PKHD1: variants seen among roughly 807,000 people sequenced by gnomAD.
PKHD1 encodes fibrocystin.
A neutral mutation model predicts 412.0 loss-of-function variants in PKHD1; 291 were observed. The ratio of observed to expected loss-of-function variants is 0.71; its 90% CI spans 0.64 to 0.78. PKHD1 has a LOEUF of 0.78. Among genes scored for constraint, PKHD1 ranks in the 30% least tolerant of loss-of-function variants. The pLI, the probability that PKHD1 is intolerant of heterozygous loss-of-function variation, is 0.00. For missense variants in PKHD1, 4,825 were observed against 4,950.7 expected (o/e 0.97, Z 0.76); for synonymous variants, 1,777 against 1,821.5 (o/e 0.98, Z 0.62).
chr6:51,819,743 T>G (rs1582871623), intron 52 of PKHD1, among the ~76,000 whole-genome samples: 1 of 152,292 alleles, frequency 6.6e-6, no homozygotes, highest in East Asian at 1.9e-4. Context: ...TGAACTCTGT[T>G]TTCATATCAC....
At chr6:51,935,187 C>T (rs1787274676) in intron 36 of PKHD1, among the ~76,000 whole-genome samples, 3 of 152,152 alleles carry the variant, frequency 2.0e-5, no homozygotes, top group African/African-American at 2.4e-5. Context: ...GTTGGGTTCT[C>T]TTATTGGCAA....
intron 46 of PKHD1, among the ~76,000 whole-genome samples, chr6:51,873,886 CG>C (rs1776396314): frequency 6.6e-6 from 1 of 151,848 alleles, no homozygotes; most frequent in African/African-American, 2.4e-5. Context: ...AAACCAAAAA[CG>C]GATTGCAAAT....
At chr6:52,056,063 C>A (rs1488865094) in intron 18 of PKHD1, among the ~76,000 whole-genome samples, 2 of 152,162 alleles carry the variant, frequency 1.3e-5, no homozygotes, top group African/African-American at 4.8e-5. Context: ...ATGATATGGG[C>A]CCCTCAGCCC....
intron 43 of PKHD1, among the ~76,000 whole-genome samples, chr6:51,892,369 AG>A (rs2127575259): frequency 6.6e-6 from 1 of 152,360 alleles, no homozygotes; most frequent in South Asian, 2.1e-4. Context: ...GTTGTCAATC[AG>A]GGATGACTTT....
At chr6:51,906,732 A>C (rs1782157964) in intron 40 of PKHD1, among the ~76,000 whole-genome samples, 1 of 152,126 alleles carries the variant, frequency 6.6e-6, no homozygotes, top group African/African-American at 2.4e-5. Context: ...TGATCTTTGA[A>C]ACCTGGAGCA....
rs753857593 is a variant in PKHD1 at position 52,055,704 on chromosome 6, C to T, written c.1719G>A (p.Gly573=). 7.4e-6 allele frequency: 12 copies of T among 1,613,730 alleles called. No individual in the cohort carries two copies. Among genetic ancestry groups the T allele is most frequent in the South Asian group, 1.1e-5 (1 of 91,074 alleles). ...ERGPEVSNSD[G]DLTSGTEPFC... is the part of the protein sequence containing the mutation. ...AGGGCTCCGTCCCACTGGTGAGGTC[C>T]CCATCAGAGTTGGAAACTTCTGGGC... The change falls in exon 19 of 67, where the codon GGG becomes GGA. Residue 573 remains glycine, a synonymous_variant. Coordinates refer to ENST00000371117, the MANE Select transcript of PKHD1 (RefSeq NM_138694.4).
chr6:51,758,043 AG>A (rs1291469536), intron 55 of PKHD1, among the ~76,000 whole-genome samples: 7 of 151,456 alleles, frequency 4.6e-5, no homozygotes, highest in South Asian at 4.2e-4. Flanking sequence ...AGAGAGAGAG[AG>A]AGAGAGAGAA....
chr6:52,083,519 T>A (rs1812336909), intron 2 of PKHD1, among the ~76,000 whole-genome samples: 1 of 152,176 alleles, frequency 6.6e-6, no homozygotes, highest in Non-Finnish European at 1.5e-5. Flanking sequence ...AAATTCTTCT[T>A]ATCTTAGACA....
intron 27 of PKHD1, among the ~76,000 whole-genome samples, chr6:52,037,967 C>A: frequency 6.6e-6 from 1 of 152,028 alleles, no homozygotes; most frequent in African/African-American, 2.4e-5. Context: ...ACCCTAGATC[C>A]CAATAACTCC....
chr6:51,623,374 C>A (rs886383984), intron 66 of PKHD1, among the ~76,000 whole-genome samples: 1 of 151,860 alleles, frequency 6.6e-6, no homozygotes, highest in African/African-American at 2.4e-5. Flanking sequence ...ATCCTTTGGT[C>A]TCTATTGTAC....
At chr6:51,706,901 T>G (rs191429411) in intron 60 of PKHD1, among the ~76,000 whole-genome samples, 6 of 152,302 alleles carry the variant, frequency 3.9e-5, no homozygotes, top group Admixed American at 2.0e-4. Flanking sequence ...CTCTCAAAAT[T>G]ATTGCAAAGG....
intron 15 of PKHD1, 142 bp downstream of exon 15, chr6:52,059,786 T>A: frequency 1.5e-6 from 1 of 661,028 alleles, no homozygotes; most frequent in Non-Finnish European, 2.8e-6. Flanking sequence ...AAACAAGTTC[T>A]TTTTCAACAA....
At position 52,082,414 on chromosome 6, in the gene PKHD1, GCAAAT is replaced by G; in HGVS notation, c.254_258del (p.Asp85AlafsTer13). ...TACCTGGTCCGGCATGTCACCACAG[GCAAAT>G]CCAAGAAAACAGGAAAGACGTCACA... On this transcript the variant is annotated frameshift_variant, in exon 4 of 67. Transcript: ENST00000371117. LOFTEE classifies it high-confidence loss of function. 6.2e-7 allele frequency: 1 copy of G among 1,614,066 alleles called. No individual in the cohort carries two copies. Among genetic ancestry groups the G allele is most frequent in the Non-Finnish European group, 8.5e-7 (1 of 1,179,974 alleles).
intron 46 of PKHD1, 134 bp downstream of exon 46, chr6:51,882,959 T>C: frequency 1.4e-6 from 1 of 734,688 alleles, no homozygotes; most frequent in East Asian, 2.7e-5. Flanking sequence ...AAAAGGTCTT[T>C]TAACTTTTAC....
intron 8 of PKHD1, among the ~76,000 whole-genome samples, chr6:52,071,633 G>C (rs538409759): frequency 6.6e-6 from 1 of 152,176 alleles, no homozygotes; most frequent in South Asian, 2.1e-4. Context: ...TTTTACCTTT[G>C]GCTAGTCACT....
intron 35 of PKHD1, among the ~76,000 whole-genome samples, chr6:51,991,377 T>C (rs1797023783): frequency 6.6e-6 from 1 of 152,206 alleles, no homozygotes; most frequent in Non-Finnish European, 1.5e-5. Context: ...CAAATAAATG[T>C]AAAATATAGC....
At chr6:51,741,595 G>T (rs369050083) in intron 60 of PKHD1, among the ~76,000 whole-genome samples, 1 of 152,156 alleles carries the variant, frequency 6.6e-6, no homozygotes, top group African/African-American at 2.4e-5. Flanking sequence ...GCTTGGCTGG[G>T]ATAATTTGGG....
chr6:51,681,889 T>C (rs1437027936), intron 60 of PKHD1, among the ~76,000 whole-genome samples: 1 of 152,068 alleles, frequency 6.6e-6, no homozygotes, highest in East Asian at 1.9e-4. Context: ...AAGTTAAAAA[T>C]ATTTGCCACC....
intron 49 of PKHD1, among the ~76,000 whole-genome samples, chr6:51,848,459 G>A (rs1219273016): frequency 2.0e-5 from 3 of 152,154 alleles, no homozygotes; most frequent in Non-Finnish European, 4.4e-5. Context: ...AGGCACCCCT[G>A]TCATTGTTAC....
Sources: gnomAD v4.1 joint callset for allele counts (sites outside exome capture counted in the v4.1 genomes callset) on GRCh38, gnomAD v4.1.1 for gene constraint, MANE v1.5 for transcripts, NCBI Gene and HGNC (gene_info 2026-07-23, HGNC 2026-07-21) for gene names.